The following WNK1 variants were observed in gnomAD, a reference collection of about 807,000 sequenced individuals.
WNK1 encodes the protein WNK lysine deficient protein kinase 1.
In WNK1, 38 loss-of-function variants were observed where a neutral mutation model predicts 222.8. The ratio of observed to expected loss-of-function variants is 0.17; its 90% CI spans 0.13 to 0.22. WNK1 has a LOEUF of 0.22. Among genes scored for constraint, WNK1 ranks in the 10% least tolerant of loss-of-function variants. The pLI, the probability that WNK1 is intolerant of heterozygous loss-of-function variation, is 1.00. For synonymous variants in WNK1, 1,090 were observed against 1,092.9 expected (o/e 1.00, Z 0.05); for missense variants, 2,348 against 2,918.4 (o/e 0.80, Z 4.50).
Position 882,220 on chromosome 12 carries a change from G to A in WNK1, c.3372+147G>A, listed in dbSNP as rs957631747. ...CAGATAATTTTTTTTTTTTTTAGAC[G>A]GAGTCTCGCTCTGTCGCCCAGGCTG... On this transcript the variant is annotated intron_variant, in intron 14 of 27. Transcript: ENST00000315939. The A allele has an allele frequency of 3.2e-5, 28 of 888,120 alleles. No individual in the cohort carries two copies. In the Admixed American group the frequency reaches 4.6e-4, roughly 15 times the overall value. 55.0% of individuals were successfully genotyped at this position (888,120 alleles called of 1,614,324 possible). A position where few individuals can be genotyped will look rare whatever the true frequency, so the allele number is the denominator to read the frequency against.
At chr12:754,827 A>G (rs1388409529) in intron 1 of WNK1, among the ~76,000 whole-genome samples, 5 of 152,192 alleles carry the variant, frequency 3.3e-5, no homozygotes, top group Admixed American at 3.3e-4. Context: ...AATTATTAAA[A>G]AAAGACTCTT....
chr12:875,618 A>G (rs1397053581), intron 9 of WNK1, among the ~76,000 whole-genome samples: 4 of 152,146 alleles, frequency 2.6e-5, no homozygotes, highest in Admixed American at 6.5e-5. Context: ...ATAAAAACCT[A>G]TAAGAGAAAG....
intron 4 of WNK1, among the ~76,000 whole-genome samples, chr12:839,690 T>C (rs1949468252): frequency 6.6e-6 from 1 of 152,052 alleles, no homozygotes; most frequent in Non-Finnish European, 1.5e-5. Context: ...GTATATGAAA[T>C]GTTTTATATA....
chr12:781,456 TCATAA>T (rs1387085789), intron 1 of WNK1, among the ~76,000 whole-genome samples: 1 of 152,234 alleles, frequency 6.6e-6, no homozygotes, highest in Non-Finnish European at 1.5e-5. Flanking sequence ...TGTTCATTAA[TCATAA>T]CATAAGCTCT....
At chr12:806,863 T>C (rs1342415108) in intron 1 of WNK1, among the ~76,000 whole-genome samples, 1 of 152,180 alleles carries the variant, frequency 6.6e-6, no homozygotes, top group Non-Finnish European at 1.5e-5. Flanking sequence ...CATAAAGATA[T>C]TGTATATTTT....
chr12:859,835 C>T (rs1032270736), intron 6 of WNK1, among the ~76,000 whole-genome samples: 5 of 151,738 alleles, frequency 3.3e-5, no homozygotes, highest in African/African-American at 9.7e-5. Context: ...TCTGCCTTAG[C>T]CTGCCGAGAA....
intron 1 of WNK1, among the ~76,000 whole-genome samples, chr12:804,048 A>G (rs182607435): frequency 1.0e-3 from 155 of 152,348 alleles, no homozygotes; most frequent in African/African-American, 3.6e-3. Flanking sequence ...CTTTTCTCTT[A>G]TTTAAAGACC....
chr12:852,081 CT>C (rs555546159), intron 4 of WNK1, among the ~76,000 whole-genome samples: 4 of 152,106 alleles, frequency 2.6e-5, no homozygotes, highest in Admixed American at 6.5e-5. Context: ...GAAGCAAGTG[CT>C]GGCAATTCTT....
intron 4 of WNK1, among the ~76,000 whole-genome samples, chr12:833,304 T>G (rs1370042516): frequency 6.6e-6 from 1 of 152,254 alleles, no homozygotes; most frequent in Non-Finnish European, 1.5e-5. Flanking sequence ...CACTTAAACT[T>G]GTTGAGCTTT....
chr12:813,912 A>G, intron 2 of WNK1, 98 bp downstream of exon 2: 10 of 1,317,078 alleles, frequency 7.6e-6, no homozygotes, highest in Non-Finnish European at 1.1e-5. Flanking sequence ...TGTTCAGCCT[A>G]AGAAGGGAAC....
intron 4 of WNK1, among the ~76,000 whole-genome samples, chr12:834,150 G>C (rs1949009939): frequency 6.6e-6 from 1 of 152,136 alleles, no homozygotes; most frequent in Non-Finnish European, 1.5e-5. Context: ...TGAATGCTGA[G>C]ATGCCAAACA....
chr12:766,727 T>G (rs1037280373), intron 1 of WNK1, among the ~76,000 whole-genome samples: 3 of 152,026 alleles, frequency 2.0e-5, no homozygotes, highest in Non-Finnish European at 4.4e-5. Context: ...TCCGCCTGCC[T>G]TGGCCTCCCA....
At chr12:813,883 C>T in intron 2 of WNK1, 69 bp downstream of exon 2, 1 of 1,528,626 alleles carries the variant, frequency 6.5e-7, no homozygotes, top group Non-Finnish European at 8.9e-7. Flanking sequence ...AATTTCAGGT[C>T]TACCAGTTTC....
chr12:820,724 C>T (rs200012800), intron 2 of WNK1, among the ~76,000 whole-genome samples: 1 of 152,082 alleles, frequency 6.6e-6, no homozygotes, highest in East Asian at 1.9e-4. Flanking sequence ...ATCTCCCTTG[C>T]CTCTGGCTCC....
chr12:892,586 A>G (rs1407185875), intron 22 of WNK1, among the ~76,000 whole-genome samples: 2 of 152,102 alleles, frequency 1.3e-5, no homozygotes, highest in African/African-American at 4.8e-5. Flanking sequence ...CTGGGGAAAT[A>G]TATATATTTG....
At position 865,625 on chromosome 12, in the gene WNK1, A is replaced by G. The variant is rs567472876; in HGVS notation, c.2139+3355A>G. Among the ~76,000 whole-genome samples the G allele has an allele frequency of 6.6e-5, 10 of 152,322 alleles. No individual in the cohort carries two copies. The East Asian group carries it at 1.9e-3, about 29-fold the overall frequency. On this transcript the variant is annotated intron_variant, in intron 8 of 27. Transcript: ENST00000315939. ...TGTCCAATAAAATTTACCTTTCATTATATCTTCCTGTTTCCTATCGACATA... is the reference window on the plus strand; with the variant it reads ...TGTCCAATAAAATTTACCTTTCATTGTATCTTCCTGTTTCCTATCGACATA...
At chr12:811,533 G>A (rs1398275419) in intron 1 of WNK1, among the ~76,000 whole-genome samples, 2 of 152,088 alleles carry the variant, frequency 1.3e-5, no homozygotes, top group African/African-American at 2.4e-5. Flanking sequence ...TAAATGAAGT[G>A]AAGCAGCCAA....
At chr12:805,907 T>C in intron 1 of WNK1, among the ~76,000 whole-genome samples, 1 of 152,284 alleles carries the variant, frequency 6.6e-6, no homozygotes, top group East Asian at 1.9e-4. Flanking sequence ...AAATTCTTTT[T>C]TCTGAAATTT....
chr12:896,517 G>C lies in WNK1; in HGVS notation c.6030G>C (p.Pro2010=). Residue 2010 remains proline, a synonymous_variant, in exon 24 of 28, where the codon CCG becomes CCC. Coordinates refer to ENST00000315939, the MANE Select transcript of WNK1 (RefSeq NM_018979.4). The stretch of plus-strand genomic sequence containing the variant: ...CAGAGCCTTCACATCTAAATGGGCC[G>C]TCTTCTGACCCGGAGGCCGCTTTTT... ...ELSEPSHLNG[P]SSDPEAAFLS... is the part of the protein sequence containing the mutation. The C allele has an allele frequency of 1.4e-5, 23 of 1,613,572 alleles. No individual in the cohort carries two copies. Among genetic ancestry groups the C allele is most frequent in the Non-Finnish European group, 1.9e-5 (23 of 1,179,932 alleles).
Sources: gnomAD v4.1 joint callset for allele counts (sites outside exome capture counted in the v4.1 genomes callset) on GRCh38, gnomAD v4.1.1 for gene constraint, MANE v1.5 for transcripts, NCBI Gene and HGNC (gene_info 2026-07-23, HGNC 2026-07-21) for gene names.